The following SPMIP7 variants were observed in gnomAD, a reference collection of about 807,000 sequenced individuals.
SPMIP7 encodes sperm microtubule inner protein 7, also known as protein SPMIP7.
At chr7:50,110,169 T>A in the SPMIP7 span, among the ~76,000 whole-genome samples, 4,679 of 151,882 alleles carry the variant, frequency 0.031, 90 homozygotes, top group Middle Eastern at 0.062. Context: ...AATGTAAAAT[T>A]TCTTCATTTA....
the SPMIP7 span, chr7:50,151,519 T>C: frequency 5.8e-6 from 9 of 1,551,600 alleles, no homozygotes; most frequent in Admixed American, 2.0e-5. Context: ...ATTCTAATAT[T>C]CCATCAACAA....
the SPMIP7 span, among the ~76,000 whole-genome samples, chr7:50,106,202 T>C: frequency 6.6e-6 from 1 of 152,202 alleles, no homozygotes; most frequent in Non-Finnish European, 1.5e-5. Flanking sequence ...AACAAGAGGA[T>C]AGACTCTCTA....
At chr7:50,152,947 A>G in the SPMIP7 span, among the ~76,000 whole-genome samples, 3 of 152,104 alleles carry the variant, frequency 2.0e-5, no homozygotes, top group African/African-American at 7.2e-5. Context: ...TTGGCCTCCC[A>G]AACTGCTGGG....
At chr7:50,151,477 C>T in the SPMIP7 span, 4 of 1,551,412 alleles carry the variant, frequency 2.6e-6, no homozygotes, top group African/African-American at 4.1e-5. Flanking sequence ...GATATACCGG[C>T]AAGGTTCATT....
At chr7:50,120,417 G>A in the SPMIP7 span, 1 of 152,156 alleles carries the variant, frequency 6.6e-6, no homozygotes, top group African/African-American at 2.4e-5. Flanking sequence ...ATAAAAAAAG[G>A]TCATGTTCAG....
the SPMIP7 span, among the ~76,000 whole-genome samples, chr7:50,127,915 A>G: frequency 6.6e-6 from 1 of 151,972 alleles, no homozygotes; most frequent in African/African-American, 2.4e-5. Flanking sequence ...AGGTTCCTCA[A>G]AAACCTAAAA....
the SPMIP7 span, among the ~76,000 whole-genome samples, chr7:50,115,286 C>T: frequency 6.6e-6 from 1 of 152,030 alleles, no homozygotes; most frequent in Non-Finnish European, 1.5e-5. Flanking sequence ...AAATGTATAT[C>T]ACCTAATAAC....
At chr7:50,108,965 G>T in the SPMIP7 span, among the ~76,000 whole-genome samples, 1 of 152,130 alleles carries the variant, frequency 6.6e-6, no homozygotes, top group African/African-American at 2.4e-5. Context: ...TATCATAGCT[G>T]CTGTTATTAG....
At chr7:50,107,425 G>A in the SPMIP7 span, among the ~76,000 whole-genome samples, 1 of 124,602 alleles carries the variant, frequency 8.0e-6, no homozygotes, top group African/African-American at 3.0e-5. Context: ...GAAAATTGGG[G>A]GTAAAAGCAA....
At chr7:50,142,598 T>C in the SPMIP7 span, 1 of 152,234 alleles carries the variant, frequency 6.6e-6, no homozygotes, top group Non-Finnish European at 1.5e-5. Flanking sequence ...CAAAGAAATG[T>C]TTTTCATTTT....
At chr7:50,125,201 T>TATACACATAC in the SPMIP7 span, among the ~76,000 whole-genome samples, 2 of 74,478 alleles carry the variant, frequency 2.7e-5, no homozygotes, top group South Asian at 8.7e-4. Flanking sequence ...TACACATATA[T>TATACACATAC]ATACACATAT....
chr7:50,148,334 T>C, the SPMIP7 span, among the ~76,000 whole-genome samples: 1 of 152,242 alleles, frequency 6.6e-6, no homozygotes, highest in Non-Finnish European at 1.5e-5. Context: ...ATGTAACATA[T>C]GATACCATTT....
the SPMIP7 span, among the ~76,000 whole-genome samples, chr7:50,107,255 C>G: frequency 1.3e-5 from 2 of 149,386 alleles, no homozygotes; most frequent in Admixed American, 1.3e-4. Context: ...ACTTGGGAGG[C>G]TAAGGCAGGA....
chr7:50,108,839 G>C, the SPMIP7 span, among the ~76,000 whole-genome samples: 2 of 152,162 alleles, frequency 1.3e-5, no homozygotes, highest in Non-Finnish European at 2.9e-5. Flanking sequence ...CCATAATGTA[G>C]TTATTTCAGT....
the SPMIP7 span, among the ~76,000 whole-genome samples, chr7:50,155,336 C>T: frequency 1.3e-5 from 2 of 152,108 alleles, no homozygotes; most frequent in Non-Finnish European, 2.9e-5. Context: ...GACATTTAGA[C>T]AAGTAATATA....
chr7:50,156,587 G>A, the SPMIP7 span, among the ~76,000 whole-genome samples: 125 of 151,492 alleles, frequency 8.3e-4, 5 homozygotes, highest in Non-Finnish European at 6.9e-4. Flanking sequence ...GCTTGCTGGG[G>A]CACCCAAGGT....
chr7:50,098,245 C>T, the SPMIP7 span, among the ~76,000 whole-genome samples: 1 of 152,098 alleles, frequency 6.6e-6, no homozygotes, highest in African/African-American at 2.4e-5. Context: ...CTGTGTAGAC[C>T]TTTTACTGAG....
At chr7:50,132,712 T>C in the SPMIP7 span, among the ~76,000 whole-genome samples, 1 of 152,188 alleles carries the variant, frequency 6.6e-6, no homozygotes, top group Non-Finnish European at 1.5e-5. Flanking sequence ...ATTTAGTGCT[T>C]CTATGACACT....
the SPMIP7 span, chr7:50,096,627 C>A: frequency 6.5e-7 from 1 of 1,541,216 alleles, no homozygotes; most frequent in Non-Finnish European, 8.8e-7. Context: ...TCTATCAGAG[C>A]AAGACTTGGA....
Sources: gnomAD v4.1 joint callset for allele counts (sites outside exome capture counted in the v4.1 genomes callset) on GRCh38, gnomAD v4.1.1 for gene constraint, MANE v1.5 for transcripts, NCBI Gene and HGNC (gene_info 2026-07-23, HGNC 2026-07-21) for gene names.